The following MED1 variants were observed in gnomAD, a reference collection of about 807,000 sequenced individuals.
The protein encoded by MED1 is mediator complex subunit 1, also known as mediator of RNA polymerase II transcription subunit 1.
In MED1, 17 loss-of-function variants were observed where a neutral mutation model predicts 121.3. The ratio of observed to expected loss-of-function variants is 0.14; its 90% CI spans 0.10 to 0.21. The LOEUF (loss-of-function observed/expected upper bound fraction) is 0.21, where lower values mean the gene tolerates loss of function less well. Ranked by LOEUF, MED1 falls within the 10% of genes least tolerant of loss-of-function variation. MED1 has a pLI of 1.00. For synonymous variants in MED1, 661 were observed against 694.4 expected (o/e 0.95, Z 0.76); for missense variants, 1,558 against 1,919.4 (o/e 0.81, Z 3.52).
At chr17:39,426,715 G>A (rs2048518103) in intron 10 of MED1, among the ~76,000 whole-genome samples, 1 of 151,976 alleles carries the variant, frequency 6.6e-6, no homozygotes, top group African/African-American at 2.4e-5. Flanking sequence ...TGTATTTTTA[G>A]TAGAGACAGG....
At chr17:39,432,450 T>C (rs527857749) in intron 7 of MED1, among the ~76,000 whole-genome samples, 12 of 149,916 alleles carry the variant, frequency 8.0e-5, no homozygotes, top group Non-Finnish European at 1.3e-4. Flanking sequence ...AAAATATATA[T>C]ATATTTTTAA....
At position 39,408,617 on chromosome 17, in the gene MED1, A is replaced by G; in HGVS notation, c.3604T>C (p.Ser1202Pro). The change falls in exon 17 of 17, where the codon TCT (serine) becomes CCT (proline). Residue 1202 changes from serine (S) to proline (P), a missense_variant. By Grantham distance (74) the Ser-to-Pro change is moderately conservative. This residue lies in a region of MED1 where 793 missense variants were observed against 898.2 expected (regional missense o/e 0.88). Coordinates refer to ENST00000300651, the MANE Select transcript of MED1 (RefSeq NM_004774.4). The surrounding 1 kb of genome is among the most constrained non-coding windows in gnomAD (Gnocchi z 4.7). ...TTCATTGGAGAGGCAAGCTTGTCAG[A>G]GCCTCCAGGTGGCCTTGAATGAGAA... ...SPSHSRPPGGSDKLASPMKPV... is the reference protein window; with the variant it reads ...SPSHSRPPGGPDKLASPMKPV... 1 of 1,614,160 alleles carries G rather than the reference A, an allele frequency of 6.2e-7. No homozygotes were observed. Among genetic ancestry groups the G allele is most frequent in the Non-Finnish European group, 8.5e-7 (1 of 1,180,036 alleles).
chr17:39,408,404 A>G lies in MED1; in HGVS notation c.3817T>C (p.Phe1273Leu), dbSNP rs1337270062. The G allele has an allele frequency of 1.2e-6, 2 of 1,614,080 alleles. No homozygotes were observed. Among genetic ancestry groups the G allele is most frequent in the Non-Finnish European group, 1.7e-6 (2 of 1,180,006 alleles). Residue 1273 changes from phenylalanine (F) to leucine (L), a missense_variant, in exon 17 of 17, where the codon TTT (phenylalanine) becomes CTT (leucine). By Grantham distance (22) the Phe-to-Leu change is conservative. This residue lies in a region of MED1 where 793 missense variants were observed against 898.2 expected (regional missense o/e 0.88). Transcript: ENST00000300651. The surrounding 1 kb of genome is among the most constrained non-coding windows in gnomAD (Gnocchi z 4.7). ...GACATGGAAGAGCCACTTGAGGAAA[A>G]GGAGGAGGAAGATGCCGTACAGGAA... ...SNSCTASSSSFSSSGSSMSSS... is the reference protein window; with the variant it reads ...SNSCTASSSSLSSSGSSMSSS...
At position 39,440,762 on chromosome 17, in the gene MED1, C is replaced by T; in HGVS notation, c.212-85G>A. ...TTTTAAGACAGAAAGATTCATCCTT[C>T]CAAAACCGTAAACATATTCAGTAGT... is the stretch of plus-strand genomic sequence containing the variant. On this transcript the variant is annotated intron_variant, in intron 3 of 16. Coordinates refer to ENST00000300651, the MANE Select transcript of MED1 (RefSeq NM_004774.4). The surrounding 1 kb of genome is among the most constrained non-coding windows in gnomAD (Gnocchi z 4.1). 7.7e-7 allele frequency: 1 copy of T among 1,298,904 alleles called. No individual in the cohort carries two copies. Among genetic ancestry groups the T allele is most frequent in the Non-Finnish European group, 1.1e-6 (1 of 915,000 alleles). 80.5% of individuals were successfully genotyped at this position (1,298,904 alleles called of 1,614,324 possible).
Position 39,440,813 on chromosome 17 carries a change from T to G in MED1, c.212-136A>C. On this transcript the variant is annotated intron_variant, in intron 3 of 16. Coordinates refer to ENST00000300651, the MANE Select transcript of MED1 (RefSeq NM_004774.4). This position sits in a 1 kb window ranked among gnomAD's most constrained non-coding sequence, Gnocchi z 4.1. ...TCAAATGCTTGTAATTTACATAAAGTTCACTGATTAGGGTTAGCTGTGGCC... is the reference window on the plus strand; with the variant it reads ...TCAAATGCTTGTAATTTACATAAAGGTCACTGATTAGGGTTAGCTGTGGCC... 1.2e-6 allele frequency: 1 copy of G among 847,370 alleles called. No homozygotes were observed. 52.5% of individuals were successfully genotyped at this position (847,370 alleles called of 1,614,324 possible). A position where few individuals can be genotyped will look rare whatever the true frequency, so the allele number is the denominator to read the frequency against.
Position 39,408,656 on chromosome 17 carries a change from G to C in MED1, c.3565C>G (p.Pro1189Ala), listed in dbSNP as rs1006054273. 6.2e-7 allele frequency: 1 copy of C among 1,614,068 alleles called. No individual in the cohort carries two copies. Among genetic ancestry groups the C allele is most frequent in the African/African-American group, 1.3e-5 (1 of 74,914 alleles). ...CTTGAATGAGAAGGGGATATGTTTGGTTTACTTAAAGAAGGATTCATAAGT... is the reference window on the plus strand; with the variant it reads ...CTTGAATGAGAAGGGGATATGTTTGCTTTACTTAAAGAAGGATTCATAAGT... The part of the protein sequence containing the change: ...SSLMNPSLSK[P>A]NISPSHSRPP... The change falls in exon 17 of 17, where the codon CCA (proline) becomes GCA (alanine). Residue 1189 changes from proline (P) to alanine (A), a missense_variant. Physicochemically the swap from Pro to Ala is conservative, Grantham distance 27 (BLOSUM62 -1). Transcript: ENST00000300651. The surrounding 1 kb of genome is among the most constrained non-coding windows in gnomAD (Gnocchi z 4.7).
Position 39,406,100 on chromosome 17 carries a change from A to G in MED1, c.*1375T>C, listed in dbSNP as rs983707224. The G allele has an allele frequency of 6.1e-6, 6 of 985,428 alleles. No individual in the cohort carries two copies. In the African/African-American group the frequency reaches 7.0e-5, roughly 11 times the overall value. The allele number at this position is 985,428 out of a possible 1,614,324, so 61.0% of individuals were successfully genotyped here. On this transcript the variant is annotated 3_prime_UTR_variant, in exon 17 of 17. Transcript: ENST00000300651. ...ACTCGAAACAGTCTCCTGGATTTCTATATTTTTATGTGAAGGGCTCTTATT... is the reference window on the plus strand; with the variant it reads ...ACTCGAAACAGTCTCCTGGATTTCTGTATTTTTATGTGAAGGGCTCTTATT...
intron 14 of MED1, among the ~76,000 whole-genome samples, chr17:39,417,485 C>T (rs890043254): frequency 4.0e-5 from 6 of 151,576 alleles, no homozygotes; most frequent in Non-Finnish European, 7.4e-5. Flanking sequence ...AAAAATTAGC[C>T]GGGCGTGATG....
intron 10 of MED1, among the ~76,000 whole-genome samples, chr17:39,425,122 G>A (rs1006891641): frequency 1.3e-5 from 2 of 152,032 alleles, no homozygotes; most frequent in Non-Finnish European, 2.9e-5. Context: ...TTCATGATCC[G>A]CCCATCTTGG....
chr17:39,432,215 C>T (rs1389993100), intron 7 of MED1, among the ~76,000 whole-genome samples, 199 bp from the exon 8 acceptor site: 1 of 151,414 alleles, frequency 6.6e-6, no homozygotes, highest in Non-Finnish European at 1.5e-5. Context: ...TGGTGGCAGG[C>T]ACCTGTAATC....
intron 14 of MED1, among the ~76,000 whole-genome samples, chr17:39,419,065 A>G (rs183781717): frequency 4.6e-4 from 68 of 147,100 alleles, no homozygotes; most frequent in African/African-American, 1.6e-3. Context: ...GATTACAGGC[A>G]CAAACCACTG....
chr17:39,404,668 G>A lies in MED1; in HGVS notation c.*2807C>T, dbSNP rs886948038. The A allele has an allele frequency of 6.6e-6, 1 of 152,260 alleles. No individual in the cohort carries two copies. The highest frequency in any genetic ancestry group is 1.5e-5 in the Non-Finnish European group (1 of 68,040). 9.4% of individuals were successfully genotyped at this position (152,260 alleles called of 1,614,324 possible). On this transcript the variant is annotated 3_prime_UTR_variant, in exon 17 of 17. Coordinates refer to ENST00000300651, the MANE Select transcript of MED1 (RefSeq NM_004774.4). ...AGATTGCCCAAGGATTGTGAATAAT[G>A]TTTCGTATACTGACATCTTTAAGTG...
rs1345973693 is a variant in MED1, at chr17:39,409,521, A to G, written c.2700T>C (p.Ser900=). Residue 900 remains serine (S), a synonymous_variant, in exon 17 of 17, where the codon TCT becomes TCC. Coordinates refer to ENST00000300651, the MANE Select transcript of MED1 (RefSeq NM_004774.4). ...GCACCCCCAAAGTATTTAGTGCCTG[A>G]GATGCAAATCCTTTGAAATCATCAT... ...GDNDDFKGFA[S]QALNTLGVPM... is the part of the protein sequence containing the mutation. 6.2e-7 allele frequency: 1 copy of G among 1,614,050 alleles called. No homozygotes were observed. The highest frequency in any genetic ancestry group is 8.5e-7 in the Non-Finnish European group (1 of 1,180,038).
intron 5 of MED1, among the ~76,000 whole-genome samples, chr17:39,439,597 C>A (rs900959022): frequency 2.6e-5 from 4 of 152,090 alleles, no homozygotes; most frequent in African/African-American, 2.4e-5. Context: ...ATTTCTGTAT[C>A]CCCAGCACCT....
intron 6 of MED1, among the ~76,000 whole-genome samples, chr17:39,434,605 C>G (rs1176897425): frequency 6.6e-6 from 1 of 152,180 alleles, no homozygotes; most frequent in Non-Finnish European, 1.5e-5. Context: ...GTTTTATTAG[C>G]TCCCAAGCAA....
chr17:39,406,856 A>G lies in MED1; in HGVS notation c.*619T>C. The G allele has an allele frequency of 1.0e-6, 1 of 985,518 alleles. No homozygotes were observed. The highest frequency in any genetic ancestry group is 1.2e-6 in the Non-Finnish European group (1 of 829,910). 61.0% of individuals were successfully genotyped at this position (985,518 alleles called of 1,614,324 possible). On this transcript the variant is annotated 3_prime_UTR_variant, in exon 17 of 17. Transcript: ENST00000300651. ...AGATTTAGAACGAAACACTGTATAA[A>G]AACAAACAGATAAAGGGTTAAAATA...
rs2048292778 is a variant in MED1, at chr17:39,405,103, G to A, written c.*2372C>T. The A allele has an allele frequency of 8.9e-7, 1 of 1,124,054 alleles. No homozygotes were observed. The highest frequency in any genetic ancestry group is 1.2e-6 in the Non-Finnish European group (1 of 817,730). The allele number at this position is 1,124,054 out of a possible 1,614,324, so 69.6% of individuals were successfully genotyped here. A position where few individuals can be genotyped will look rare whatever the true frequency, so the allele number is the denominator to read the frequency against. ...GAAGAATGAGTACACCTAGACAGGA[G>A]GGAGGTGTCCCAGGCTTGGTTTATT... On this transcript the variant is annotated 3_prime_UTR_variant, in exon 17 of 17. Coordinates refer to ENST00000300651, the MANE Select transcript of MED1 (RefSeq NM_004774.4).
chr17:39,434,867 A>G (rs1052704193), intron 6 of MED1, among the ~76,000 whole-genome samples: 1 of 152,126 alleles, frequency 6.6e-6, no homozygotes, highest in Admixed American at 6.6e-5. Context: ...GATAATAAGA[A>G]GAAAATAAAT....
At chr17:39,439,283 G>A in intron 5 of MED1, 90 bp from the exon 6 acceptor site, 1 of 975,942 alleles carries the variant, frequency 1.0e-6, no homozygotes, top group South Asian at 1.6e-5. Flanking sequence ...TATAGCACAT[G>A]TTTTACAACA....
Sources: allele counts gnomAD v4.1 joint callset (sites outside exome capture counted in the v4.1 genomes callset), GRCh38; gene constraint gnomAD v4.1.1; regional missense constraint gnomAD v4.1.1; non-coding constraint Gnocchi (gnomAD v3.1); transcripts MANE v1.5; gene names NCBI Gene and HGNC (gene_info 2026-07-23, HGNC 2026-07-21).